SLC16A10: variants seen among roughly 807,000 people sequenced by gnomAD.
SLC16A10 encodes solute carrier family 16 member 10, also known as monocarboxylate transporter 10.
A neutral mutation model predicts 40.0 loss-of-function variants in SLC16A10; 27 were observed. The ratio of observed to expected loss-of-function variants is 0.67; its 90% CI spans 0.50 to 0.93. The LOEUF is 0.93. Among genes scored for constraint, SLC16A10 ranks in the 40% least tolerant of loss-of-function variants. The pLI, the probability that SLC16A10 is intolerant of heterozygous loss-of-function variation, is 0.00. For missense variants in SLC16A10, 529 were observed against 658.2 expected, an observed-to-expected ratio of 0.80 and a Z score of 2.15; for synonymous variants, 213 against 249.8, an observed-to-expected ratio of 0.85 and a Z score of 1.39.
At chr6:111,170,706 C>T (rs1772570205) in intron 1 of SLC16A10, among the ~76,000 whole-genome samples, 1 of 152,198 alleles carries the variant, frequency 6.6e-6, no homozygotes, top group South Asian at 2.1e-4. Context: ...ACCTCGGCCT[C>T]CCAAAGTGCT....
rs1771026022 is a variant in SLC16A10, at chr6:111,227,680, T to TA, written c.*5449dup. 1 of 152,170 alleles carries TA rather than the reference T, an allele frequency of 6.6e-6. No individual in the cohort carries two copies. The highest frequency in any genetic ancestry group is 2.1e-4 in the South Asian group (1 of 4,824). The allele number at this position is 152,170 out of a possible 1,614,324, so 9.4% of individuals were successfully genotyped here. A position where few individuals can be genotyped will look rare whatever the true frequency, so the allele number is the denominator to read the frequency against. Reference sequence around the variant, plus strand: ...GGTGTAATCTTGCTTTCTGGGGAAATAAAATTCCCCATGGTACTATATTCC... The same window carrying TA: ...GGTGTAATCTTGCTTTCTGGGGAAATAAAAATTCCCCATGGTACTATATTCC... On this transcript the variant is annotated 3_prime_UTR_variant, in exon 6 of 6. Coordinates refer to ENST00000368851, the MANE Select transcript of SLC16A10 (RefSeq NM_018593.5).
rs913021515 is a variant in SLC16A10 at position 111,087,770 on chromosome 6, G to A, written c.18G>A (p.Glu6=). 22 of 1,224,560 alleles carry A rather than the reference G, an allele frequency of 1.8e-5. No homozygotes were observed. The highest frequency in any genetic ancestry group is 4.4e-5 in the Admixed American group (1 of 22,950). 75.9% of individuals were successfully genotyped at this position (1,224,560 alleles called of 1,614,324 possible). The part of the protein sequence containing the change: MVLSQ[E]EPDSARGTSE... ...CTCGGGCCATGGTGCTCTCCCAGGAGGAGCCGGACTCCGCGCGGGGCACGA... is the reference window on the plus strand; with the variant it reads ...CTCGGGCCATGGTGCTCTCCCAGGAAGAGCCGGACTCCGCGCGGGGCACGA... Residue 6 remains glutamate, a synonymous_variant, in exon 1 of 6, where the codon GAG becomes GAA. Transcript: ENST00000368851.
chr6:111,148,068 C>G (rs2114511849), intron 1 of SLC16A10, among the ~76,000 whole-genome samples: 1 of 152,258 alleles, frequency 6.6e-6, no homozygotes, highest in East Asian at 1.9e-4. Flanking sequence ...ATGGCAGAGA[C>G]AATTTTGAGA....
At chr6:111,198,844 C>T (rs997248393) in intron 3 of SLC16A10, among the ~76,000 whole-genome samples, 1 of 152,208 alleles carries the variant, frequency 6.6e-6, no homozygotes, top group Non-Finnish European at 1.5e-5. Flanking sequence ...GTTTAAAGAG[C>T]ATGTCCCCTT....
intron 3 of SLC16A10, among the ~76,000 whole-genome samples, chr6:111,181,912 G>A (rs1203668076): frequency 1.3e-5 from 2 of 152,114 alleles, no homozygotes; most frequent in Non-Finnish European, 2.9e-5. Context: ...AGCTGCATCA[G>A]TTTTTATGAA....
At chr6:111,204,824 G>C (rs1773228850) in intron 3 of SLC16A10, among the ~76,000 whole-genome samples, 1 of 152,136 alleles carries the variant, frequency 6.6e-6, no homozygotes, top group Non-Finnish European at 1.5e-5. Context: ...GGCAACATTG[G>C]TAGACCTATA....
intron 4 of SLC16A10, among the ~76,000 whole-genome samples, chr6:111,211,327 A>G (rs1773343620): frequency 6.6e-6 from 1 of 152,206 alleles, no homozygotes; most frequent in African/African-American, 2.4e-5. Context: ...TTTGGAGCAC[A>G]TTTTAATACC....
rs190619847 is a variant in SLC16A10 at position 111,169,011 on chromosome 6, A to C, written c.344-3684A>C. On this transcript the variant is annotated intron_variant, in intron 1 of 5. Coordinates refer to ENST00000368851, the MANE Select transcript of SLC16A10 (RefSeq NM_018593.5). ...AGAGGGGCTTGAGAGGGACGACTTA[A>C]GAGATTTAAAGGATTCCCCCCAGTT... Among the ~76,000 whole-genome samples, 269 of 152,220 alleles carry C rather than the reference A, an allele frequency of 1.8e-3. 3 individuals carry two copies. The highest frequency in any genetic ancestry group is 6.1e-3 in the African/African-American group (253 of 41,532).
chr6:111,220,271 T>C (rs1770866475), intron 5 of SLC16A10, among the ~76,000 whole-genome samples: 1 of 152,178 alleles, frequency 6.6e-6, no homozygotes, highest in African/African-American at 2.4e-5. Context: ...ATAGAAGCAG[T>C]GGGTGCAAAA....
At chr6:111,113,554 C>G (rs1242129847) in intron 1 of SLC16A10, among the ~76,000 whole-genome samples, 3 of 152,112 alleles carry the variant, frequency 2.0e-5, no homozygotes, top group East Asian at 1.9e-4. Context: ...TAGAAAATTT[C>G]TTATGTACAT....
chr6:111,123,387 T>A (rs944407365), intron 1 of SLC16A10, among the ~76,000 whole-genome samples: 2 of 152,224 alleles, frequency 1.3e-5, no homozygotes, highest in Admixed American at 6.5e-5. Context: ...CTCTCATTAC[T>A]TACTGAATCA....
intron 3 of SLC16A10, chr6:111,193,169 T>G: frequency 2.4e-6 from 1 of 417,024 alleles, no homozygotes; most frequent in Non-Finnish European, 3.2e-6. Context: ...GTTATTACAG[T>G]GAATGATTAA....
intron 1 of SLC16A10, among the ~76,000 whole-genome samples, chr6:111,165,271 C>G (rs183453155): frequency 2.3e-3 from 354 of 152,156 alleles, no homozygotes; most frequent in Non-Finnish European, 3.9e-3. Flanking sequence ...AGGTTTTTTT[C>G]TAAAATGGGG....
intron 2 of SLC16A10, among the ~76,000 whole-genome samples, chr6:111,174,222 C>T (rs1208351981): frequency 6.6e-6 from 1 of 152,186 alleles, no homozygotes; most frequent in African/African-American, 2.4e-5. Context: ...TTTCCTGCCT[C>T]TTTCCTGTCC....
intron 1 of SLC16A10, among the ~76,000 whole-genome samples, chr6:111,153,820 T>C (rs1459444130): frequency 6.6e-6 from 1 of 152,242 alleles, no homozygotes; most frequent in Non-Finnish European, 1.5e-5. Context: ...CCTTTCTCCT[T>C]ACAAAGATAA....
chr6:111,122,913 C>T (rs988451822), intron 1 of SLC16A10, among the ~76,000 whole-genome samples: 3 of 152,222 alleles, frequency 2.0e-5, no homozygotes, highest in Admixed American at 6.5e-5. Context: ...TGAGCATAAT[C>T]ACTGTTGGTA....
rs145469710 is a variant in SLC16A10, at chr6:111,168,332, A to G, written c.344-4363A>G. Among the ~76,000 whole-genome samples the G allele has an allele frequency of 2.6e-5, 4 of 152,356 alleles. 1 individual carries two copies. Among genetic ancestry groups the G allele is most frequent in the African/African-American group, 7.2e-5 (3 of 41,580 alleles). ...CCATGCTGGATATATTGTAGTAGCT[A>G]TGTACTTCAGTTTCTCAATTGTTAA... On this transcript the variant is annotated intron_variant, in intron 1 of 5. Coordinates refer to ENST00000368851, the MANE Select transcript of SLC16A10 (RefSeq NM_018593.5).
rs1772607296 is a variant in SLC16A10, at chr6:111,172,682, C to A, written c.344-13C>A. Reference sequence around the variant, plus strand: ...ATGTCATAATTCCCCCCACGCTTTCCCTTCTTTTACAGCATGGGTAGGTTC... The same window carrying A: ...ATGTCATAATTCCCCCCACGCTTTCACTTCTTTTACAGCATGGGTAGGTTC... On this transcript the variant is annotated splice_polypyrimidine_tract_variant and intron_variant, in intron 1 of 5. Transcript: ENST00000368851. The A allele has an allele frequency of 6.2e-7, 1 of 1,608,454 alleles. No homozygotes were observed. Among genetic ancestry groups the A allele is most frequent in the African/African-American group, 1.3e-5 (1 of 74,844 alleles).
chr6:111,230,729 A>G lies in SLC16A10; in HGVS notation c.*8494A>G, dbSNP rs904108039. The G allele has an allele frequency of 2.0e-5, 3 of 152,246 alleles. No homozygotes were observed. Among genetic ancestry groups the G allele is most frequent in the African/African-American group, 7.2e-5 (3 of 41,460 alleles). 9.4% of individuals were successfully genotyped at this position (152,246 alleles called of 1,614,324 possible). Reference sequence around the variant, plus strand: ...GAAAGAGAGTGTGGATATTTTAAGTATCTCCTAGTATAATATGACATTGTT... The same window carrying G: ...GAAAGAGAGTGTGGATATTTTAAGTGTCTCCTAGTATAATATGACATTGTT... On this transcript the variant is annotated 3_prime_UTR_variant, in exon 6 of 6. Transcript: ENST00000368851.
Sources: gnomAD v4.1 joint callset for allele counts (sites outside exome capture counted in the v4.1 genomes callset) on GRCh38, gnomAD v4.1.1 for gene constraint, MANE v1.5 for transcripts, NCBI Gene and HGNC (gene_info 2026-07-23, HGNC 2026-07-21) for gene names.